MYO6: variants seen among roughly 807,000 people sequenced by gnomAD.
The protein encoded by MYO6 is myosin VI.
MYO6 carries 74 observed loss-of-function variants against 178.7 expected under a neutral mutation model. The ratio of observed to expected loss-of-function variants is 0.41; its 90% CI spans 0.34 to 0.50. The LOEUF is 0.50. Ranked by LOEUF, MYO6 falls within the 20% of genes least tolerant of loss-of-function variation. MYO6 has a pLI of 0.09. For synonymous variants in MYO6, 477 were observed against 504.6 expected, an observed-to-expected ratio of 0.95 and a Z score of 0.73; for missense variants, 1,330 against 1,547.4, an observed-to-expected ratio of 0.86 and a Z score of 2.36.
chr6:75,769,732 C>G (rs1400820681), intron 1 of MYO6, among the ~76,000 whole-genome samples: 1 of 152,088 alleles, frequency 6.6e-6, no homozygotes, highest in Non-Finnish European at 1.5e-5. Flanking sequence ...AAACCCGTCT[C>G]TACTAAAAAT....
chr6:75,762,610 C>A (rs1261510156), intron 1 of MYO6, among the ~76,000 whole-genome samples: 1 of 152,160 alleles, frequency 6.6e-6, no homozygotes, highest in Non-Finnish European at 1.5e-5. Context: ...ACTCTCAAGT[C>A]CAGGGAAGAC....
intron 16 of MYO6, among the ~76,000 whole-genome samples, chr6:75,865,659 C>G (rs138963687): frequency 6.6e-6 from 1 of 152,064 alleles, no homozygotes; most frequent in Non-Finnish European, 1.5e-5. Context: ...GCCACCACAC[C>G]TAGCCCAACA....
intron 1 of MYO6, among the ~76,000 whole-genome samples, chr6:75,780,468 A>G (rs1467950880): frequency 1.3e-5 from 2 of 152,108 alleles, no homozygotes; most frequent in Non-Finnish European, 2.9e-5. Context: ...AAATAAATAA[A>G]TATGTGATGT....
intron 10 of MYO6, 45 bp downstream of exon 10, chr6:75,845,022 C>A: frequency 7.0e-7 from 1 of 1,432,852 alleles, no homozygotes; most frequent in Non-Finnish European, 9.8e-7. Flanking sequence ...TAAAAAAAAA[C>A]TCATGCTGAA....
At chr6:75,908,668 G>A (rs368681245) in intron 32 of MYO6, 41 bp downstream of exon 32, 27 of 1,590,806 alleles carry the variant, frequency 1.7e-5, no homozygotes, top group Non-Finnish European at 2.2e-5. Flanking sequence ...TAAAATATAT[G>A]TATATAAATG....
chr6:75,789,213 A>G (rs2842540), intron 1 of MYO6, among the ~76,000 whole-genome samples: 49,263 of 151,890 alleles, frequency 0.32, 9,298 homozygotes, highest in Admixed American at 0.48. Flanking sequence ...AAGGTACACA[A>G]TTAATATTTT....
In MYO6 at chr6:75,907,672, T is replaced by A. The variant is rs1167397252; in HGVS notation, c.3244T>A (p.Tyr1082Asn). ...GAAATATGATCTTAGTAAATGGAAA[T>A]ATGCAGAACTACGTGATACCATCAA... is the stretch of plus-strand genomic sequence containing the variant. ...TKKYDLSKWK[Y>N]AELRDTINTS... The change falls in exon 31 of 35, where the codon TAT (tyrosine) becomes AAT (asparagine). Residue 1082 changes from tyrosine (Y) to asparagine (N), a missense_variant. This residue lies in a region of MYO6 where 601 missense variants were observed against 626.1 expected (regional missense o/e 0.96). Coordinates refer to ENST00000369977, the MANE Select transcript of MYO6 (RefSeq NM_004999.4). 4.3e-6 allele frequency: 7 copies of A among 1,613,494 alleles called. No individual in the cohort carries two copies. Among genetic ancestry groups the A allele is most frequent in the Non-Finnish European group, 5.9e-6 (7 of 1,179,804 alleles).
chr6:75,798,473 A>G (rs1351013783), intron 1 of MYO6, among the ~76,000 whole-genome samples: 1 of 152,218 alleles, frequency 6.6e-6, no homozygotes, highest in Non-Finnish European at 1.5e-5. Flanking sequence ...AACATATGCA[A>G]ATCAATAAAT....
chr6:75,830,040 G>T (rs1166096995), intron 4 of MYO6, among the ~76,000 whole-genome samples: 1 of 152,176 alleles, frequency 6.6e-6, no homozygotes, highest in African/African-American at 2.4e-5. Flanking sequence ...ACAGGAGAAG[G>T]CTGAATGAGA....
chr6:75,873,265 A>G lies in MYO6; in HGVS notation c.2042A>G (p.Glu681Gly). ...PNLKMTSHHF[E>G]GAQILSQLQC... is the part of the protein sequence containing the mutation. ...TTAAAGATGACAAGCCACCACTTTG[A>G]AGGTGCTCAAATTCTGTCTCAGCTT... The change falls in exon 20 of 35, where the codon GAA (glutamate) becomes GGA (glycine). Residue 681 changes from glutamate to glycine, a missense_variant. This residue lies in a region of MYO6 where 613 missense variants were observed against 816.8 expected (regional missense o/e 0.75). Coordinates refer to ENST00000369977, the MANE Select transcript of MYO6 (RefSeq NM_004999.4). The G allele has an allele frequency of 6.2e-7, 1 of 1,614,018 alleles. No homozygotes were observed. Among genetic ancestry groups the G allele is most frequent in the Non-Finnish European group, 8.5e-7 (1 of 1,179,936 alleles).
intron 1 of MYO6, among the ~76,000 whole-genome samples, chr6:75,756,640 G>A (rs932477833): frequency 1.3e-5 from 2 of 152,108 alleles, no homozygotes; most frequent in Non-Finnish European, 2.9e-5. Context: ...GCCAATAGCA[G>A]CTATTGTTTA....
chr6:75,902,769 T>A (rs1269437712), intron 30 of MYO6, among the ~76,000 whole-genome samples: 1 of 150,578 alleles, frequency 6.6e-6, no homozygotes, highest in East Asian at 2.0e-4. Flanking sequence ...TTCTGCTAGC[T>A]TTTGAATGTG....
intron 1 of MYO6, among the ~76,000 whole-genome samples, chr6:75,764,994 G>A (rs1000638034): frequency 6.7e-5 from 10 of 149,050 alleles, no homozygotes; most frequent in East Asian, 4.0e-4. Flanking sequence ...GCTAGACTCC[G>A]TCTCAAACAA....
chr6:75,882,077 C>T (rs565297458), intron 23 of MYO6, among the ~76,000 whole-genome samples: 19 of 152,246 alleles, frequency 1.2e-4, no homozygotes, highest in Admixed American at 6.5e-4. Context: ...CTTGATCTCT[C>T]GTCCCCGCAC....
chr6:75,772,732 G>A (rs1013169995), intron 1 of MYO6, among the ~76,000 whole-genome samples: 5 of 152,118 alleles, frequency 3.3e-5, no homozygotes, highest in African/African-American at 1.2e-4. Context: ...TATACCTATT[G>A]TGTTGTATTT....
chr6:75,838,909 C>G (rs1025894839), intron 7 of MYO6, among the ~76,000 whole-genome samples: 1 of 152,046 alleles, frequency 6.6e-6, no homozygotes, highest in Non-Finnish European at 1.5e-5. Context: ...ATCCGCCCAC[C>G]TCGGCCTCCC....
intron 1 of MYO6, among the ~76,000 whole-genome samples, chr6:75,802,400 T>C (rs56251027): frequency 0.037 from 5,540 of 149,960 alleles, 225 homozygotes; most frequent in East Asian, 0.15. Context: ...ACCCGGGAGG[T>C]GAAGGTTGCA....
At chr6:75,834,648 G>T (rs182755398) in intron 6 of MYO6, among the ~76,000 whole-genome samples, 2 of 152,262 alleles carry the variant, frequency 1.3e-5, no homozygotes, top group East Asian at 3.9e-4. Flanking sequence ...TTGAACTACT[G>T]CTAGGAGCAG....
intron 4 of MYO6, among the ~76,000 whole-genome samples, chr6:75,829,648 A>G (rs1235624251): frequency 3.9e-5 from 6 of 152,114 alleles, no homozygotes; most frequent in Admixed American, 6.6e-5. Flanking sequence ...TTTTTTCAAA[A>G]TCAACTAAAT....
Sources: allele counts gnomAD v4.1 joint callset (sites outside exome capture counted in the v4.1 genomes callset), GRCh38; gene constraint gnomAD v4.1.1; regional missense constraint gnomAD v4.1.1; transcripts MANE v1.5; gene names NCBI Gene and HGNC (gene_info 2026-07-23, HGNC 2026-07-21).